CCDC149: variants seen among roughly 807,000 people sequenced by gnomAD.
CCDC149 encodes coiled-coil domain-containing protein 149.
In CCDC149, 45 loss-of-function variants were observed where a neutral mutation model predicts 59.9. That is an observed-to-expected ratio of 0.75 (90% CI 0.59 to 0.96). The LOEUF (loss-of-function observed/expected upper bound fraction) is 0.96, where lower values mean the gene tolerates loss of function less well. Ranked by LOEUF, CCDC149 falls within the 40% of genes least tolerant of loss-of-function variation. The pLI, the probability that CCDC149 is intolerant of heterozygous loss-of-function variation, is 0.00. For missense variants in CCDC149, 584 were observed against 664.7 expected, an observed-to-expected ratio of 0.88 and a Z score of 1.33; for synonymous variants, 245 against 260.6, an observed-to-expected ratio of 0.94 and a Z score of 0.58.
intron 1 of CCDC149, among the ~76,000 whole-genome samples, chr4:24,886,582 T>C (rs1006316580): frequency 6.6e-5 from 10 of 152,176 alleles, no homozygotes; most frequent in Non-Finnish European, 1.0e-4. Context: ...CAAATGTGCA[T>C]TGCACCAACC....
chr4:24,838,008 C>T (rs1716653451), intron 5 of CCDC149, 148 bp downstream of exon 5: 3 of 716,618 alleles, frequency 4.2e-6, no homozygotes, highest in Non-Finnish European at 7.5e-6. Context: ...AGCTTGGGAC[C>T]CTAGTGCAGT....
At chr4:24,823,563 TC>T (rs1353887901) in intron 9 of CCDC149, among the ~76,000 whole-genome samples, 3 of 152,236 alleles carry the variant, frequency 2.0e-5, no homozygotes, top group African/African-American at 7.2e-5. Context: ...AAGTTTCAAT[TC>T]CTTTCAGCAA....
chr4:24,819,536 G>A (rs548275066), intron 12 of CCDC149, among the ~76,000 whole-genome samples: 2 of 152,228 alleles, frequency 1.3e-5, no homozygotes, highest in African/African-American at 4.8e-5. Context: ...GGCCAGGCTG[G>A]TCTTGAACTC....
intron 4 of CCDC149, among the ~76,000 whole-genome samples, chr4:24,848,753 A>C (rs920238084): frequency 6.6e-6 from 1 of 152,188 alleles, no homozygotes; most frequent in Non-Finnish European, 1.5e-5. Context: ...CTGCAATAAG[A>C]ACCAATCTTC....
At chr4:24,883,860 G>C (rs1347489884) in intron 1 of CCDC149, among the ~76,000 whole-genome samples, 2 of 152,186 alleles carry the variant, frequency 1.3e-5, no homozygotes, top group African/African-American at 4.8e-5. Context: ...AGAGAGGTTA[G>C]TGTCTTTCCT....
intron 3 of CCDC149, among the ~76,000 whole-genome samples, chr4:24,860,524 A>G (rs1718310320): frequency 6.6e-6 from 1 of 152,210 alleles, no homozygotes; most frequent in African/African-American, 2.4e-5. Context: ...CCTTCTAGAC[A>G]TTGGCTTAGG....
chr4:24,919,100 C>T (rs1722213395), intron 1 of CCDC149, among the ~76,000 whole-genome samples: 1 of 152,188 alleles, frequency 6.6e-6, no homozygotes, highest in Non-Finnish European at 1.5e-5. Flanking sequence ...CAATGGTTGC[C>T]ACTTACTAGC....
At chr4:24,893,636 A>G (rs1323766365) in intron 1 of CCDC149, among the ~76,000 whole-genome samples, 1 of 2,468 alleles carries the variant, frequency 4.1e-4, no homozygotes, top group African/African-American at 9.0e-4. Context: ...TTTTTTTTTG[A>G]GATGAAGTCT....
intron 1 of CCDC149, among the ~76,000 whole-genome samples, chr4:24,978,279 A>AT (rs1169433995): frequency 7.2e-5 from 11 of 152,180 alleles, no homozygotes; most frequent in Non-Finnish European, 1.2e-4. Flanking sequence ...CACAGACTTG[A>AT]TTTTTTTAAA....
rs1718543134 is a variant in CCDC149 at position 24,864,078 on chromosome 4, C to CTATTTCTAACTATTTTGG, written c.264+9585_264+9602dup. On this transcript the variant is annotated intron_variant, in intron 3 of 12. Transcript: ENST00000635206. ...GACTTTTCTTCATGGGACCGATTAT[C>CTATTTCTAACTATTTTGG]TATTTCTAACTATTTTGGTATTTCT... is the stretch of plus-strand genomic sequence containing the variant. 2.0e-5 allele frequency among the ~76,000 whole-genome samples: 3 copies of CTATTTCTAACTATTTTGG among 152,344 alleles called. No individual in the cohort carries two copies. In the South Asian group the frequency reaches 6.2e-4, roughly 32 times the overall value.
intron 9 of CCDC149, chr4:24,827,690 A>G (rs150007545): frequency 2.0e-4 from 30 of 152,338 alleles, no homozygotes; most frequent in African/African-American, 4.6e-4. Context: ...CAAATTGCCT[A>G]TTAATTGAAT....
At chr4:24,804,986 C>T (rs973525997), downstream of CCDC149, among the ~76,000 whole-genome samples, 3 of 151,892 alleles carry the variant, frequency 2.0e-5, no homozygotes, top group Non-Finnish European at 2.9e-5. Context: ...AGAGAAGGAA[C>T]GGGGAGGGGA....
intron 4 of CCDC149, among the ~76,000 whole-genome samples, chr4:24,848,366 C>T (rs1577406782): frequency 4.6e-5 from 7 of 152,062 alleles, no homozygotes; most frequent in Admixed American, 4.6e-4. Flanking sequence ...GTCAAGAGAT[C>T]GAGACCATCC....
chr4:24,925,573 C>A (rs984388569), intron 1 of CCDC149, among the ~76,000 whole-genome samples: 23 of 152,190 alleles, frequency 1.5e-4, no homozygotes, highest in Non-Finnish European at 1.5e-5. Flanking sequence ...ATCACACTTA[C>A]AAATCTCTTT....
intron 1 of CCDC149, among the ~76,000 whole-genome samples, chr4:24,937,764 A>T (rs7698504): frequency 0.25 from 38,125 of 151,948 alleles, 5,171 homozygotes; most frequent in African/African-American, 0.37. Context: ...TAGCCATGTG[A>T]CTCCTCCTAA....
intron 1 of CCDC149, among the ~76,000 whole-genome samples, chr4:24,930,468 T>C (rs1722556079): frequency 6.6e-6 from 1 of 152,226 alleles, no homozygotes; most frequent in Admixed American, 6.5e-5. Flanking sequence ...CCTTAACCAG[T>C]GTAATAAATA....
At chr4:24,923,651 G>A (rs1577487517) in intron 1 of CCDC149, among the ~76,000 whole-genome samples, 1 of 152,172 alleles carries the variant, frequency 6.6e-6, no homozygotes, top group Non-Finnish European at 1.5e-5. Flanking sequence ...GAAGATTAGT[G>A]TGACCAGAAA....
At chr4:24,886,091 A>T (rs978070278) in intron 1 of CCDC149, among the ~76,000 whole-genome samples, 1 of 152,246 alleles carries the variant, frequency 6.6e-6, no homozygotes, top group Non-Finnish European at 1.5e-5. Context: ...CCTTCATCAC[A>T]AAGGTAGTAA....
chr4:24,962,443 T>C (rs370146767), intron 1 of CCDC149, among the ~76,000 whole-genome samples: 4 of 152,184 alleles, frequency 2.6e-5, no homozygotes, highest in African/African-American at 7.2e-5. Context: ...CCATTTGACC[T>C]AGCCATCCCA....
Sources: gnomAD v4.1 joint callset for allele counts (sites outside exome capture counted in the v4.1 genomes callset) on GRCh38, gnomAD v4.1.1 for gene constraint, MANE v1.5 for transcripts, NCBI Gene and HGNC (gene_info 2026-07-23, HGNC 2026-07-21) for gene names.